DOT1L: variants seen among roughly 807,000 people sequenced by gnomAD.
The protein encoded by DOT1L is histone-lysine N-methyltransferase, H3 lysine-79 specific.
Under a neutral mutation model 153.3 loss-of-function variants are expected in DOT1L, and 33 were observed. The observed-to-expected ratio is 0.22, with a 90% CI of 0.16 to 0.29. The LOEUF (loss-of-function observed/expected upper bound fraction) is 0.29. DOT1L is among the 10% of genes least tolerant of loss of function. The pLI is 1.00. For synonymous variants in DOT1L, 1,135 were observed against 965.1 expected (o/e 1.18, Z -3.26); for missense variants, 1,847 against 2,119.9 (o/e 0.87, Z 2.53).
Position 2,200,344 on chromosome 19 carries a change from G to A in DOT1L, c.707+405G>A, listed in dbSNP as rs558256982. On this transcript the variant is annotated intron_variant, in intron 8 of 27. Transcript: ENST00000398665. ...CACTATGAGGGCTGCTCGAGGGAGC[G>A]GCCCCTCGTGGTCCCAAAAGCCATC... Among the ~76,000 whole-genome samples, 5 of 152,284 alleles carry A rather than the reference G, an allele frequency of 3.3e-5. No homozygotes were observed. In the East Asian group the frequency reaches 7.7e-4, roughly 24 times the overall value.
chr19:2,223,096 A>G (rs1189713821), intron 24 of DOT1L, among the ~76,000 whole-genome samples, 185 bp from the exon 25 acceptor site: 6 of 150,382 alleles, frequency 4.0e-5, no homozygotes, highest in African/African-American at 1.2e-4. Flanking sequence ...GGGCTCTGGG[A>G]TTGCGGGGTG....
At position 2,223,456 on chromosome 19, in the gene DOT1L, C is replaced by G. The variant is rs1195873661; in HGVS notation, c.3566C>G (p.Pro1189Arg). Residue 1189 changes from proline (P) to arginine (R), a missense_variant, in exon 25 of 28, where the codon CCA becomes CGA. By Grantham distance (103) the Pro-to-Arg change is moderately radical (BLOSUM62 -2). Coordinates refer to ENST00000398665, the MANE Select transcript of DOT1L (RefSeq NM_032482.3). The part of the protein sequence containing the change: ...HYSPLTSDEE[P>R]GSEDEPSSAR... ...TCCCCACTCACCTCAGACGAGGAGC[C>G]AGGCTCTGAGGACGAGCCCAGCAGT... 3.1e-6 allele frequency: 5 copies of G among 1,612,558 alleles called. No individual in the cohort carries two copies. In the South Asian group the frequency reaches 5.5e-5, roughly 18 times the overall value.
intron 27 of DOT1L, chr19:2,229,304 C>CCAG: frequency 1.0e-6 from 1 of 985,470 alleles, no homozygotes; most frequent in Non-Finnish European, 1.2e-6. Flanking sequence ...GCAAAGGTGC[C>CCAG]CTCTGCTTGC....
At position 2,227,074 on chromosome 19, in the gene DOT1L, C is replaced by G; in HGVS notation, c.4553C>G (p.Thr1518Ser). Residue 1518 changes from threonine to serine, a missense_variant, in exon 27 of 28, where the codon ACC (threonine) becomes AGC (serine). Transcript: ENST00000398665. ...VHVSSAATRL[T>S]NSHAMGSFSG... ...GTGTCGTCCGCTGCCACCAGACTGA[C>G]CAACTCGCACGCCATGGGCAGCTTT... The G allele has an allele frequency of 6.4e-7, 1 of 1,567,422 alleles. No individual in the cohort carries two copies. The highest frequency in any genetic ancestry group is 8.6e-7 in the Non-Finnish European group (1 of 1,162,080).
At chr19:2,172,590 C>T (rs1327721115) in intron 1 of DOT1L, among the ~76,000 whole-genome samples, 30 of 151,456 alleles carry the variant, frequency 2.0e-4, no homozygotes, top group Non-Finnish European at 3.7e-4. Context: ...CTGAAACCTC[C>T]GCCTCCTGGG....
intron 27 of DOT1L, chr19:2,228,599 C>T: frequency 1.0e-6 from 1 of 985,394 alleles, no homozygotes; most frequent in African/African-American, 1.7e-5. Context: ...CAGCTGCCCG[C>T]AGCTGGGTTC....
intron 9 of DOT1L, 82 bp from the exon 10 acceptor site, chr19:2,206,647 G>T: frequency 4.3e-6 from 6 of 1,385,300 alleles, no homozygotes; most frequent in South Asian, 1.2e-5. Context: ...CCGTGTCATT[G>T]TTCCTTCTCT....
In DOT1L at chr19:2,209,018, G is replaced by A. The variant is rs747071279; in HGVS notation, c.1005+42G>A. 4 of 1,601,670 alleles carry A rather than the reference G, an allele frequency of 2.5e-6. No homozygotes were observed. In the East Asian group the frequency reaches 6.7e-5, roughly 27 times the overall value. ...TTTCTCTTGGGTTAATAACACGCATGCACTGATGTGGGGAAATGCAAAGCC... is the reference window on the plus strand; with the variant it reads ...TTTCTCTTGGGTTAATAACACGCATACACTGATGTGGGGAAATGCAAAGCC... On this transcript the variant is annotated intron_variant, in intron 12 of 27. Transcript: ENST00000398665.
intron 7 of DOT1L, 83 bp from the exon 8 acceptor site, chr19:2,199,801 C>T: frequency 6.5e-7 from 1 of 1,537,224 alleles, no homozygotes; most frequent in Non-Finnish European, 8.9e-7. Flanking sequence ...TGTGTTCATT[C>T]CATTCTTTCT....
Position 2,193,841 on chromosome 19 carries a change from C to T in DOT1L, c.588+58C>T, listed in dbSNP as rs975046844. 3.1e-5 allele frequency: 48 copies of T among 1,557,172 alleles called. No homozygotes were observed. In the African/African-American group the frequency reaches 5.3e-4, roughly 17 times the overall value. On this transcript the variant is annotated intron_variant, in intron 6 of 27. Transcript: ENST00000398665. This position sits in a 1 kb window ranked among gnomAD's most constrained non-coding sequence, Gnocchi z 5.9. ...GGCAGGGGACCATCAGAGAAAGTGA[C>T]GCCCTGGGTGCCTGCACCCCACTGC...
chr19:2,180,993 G>A (rs908899970), intron 2 of DOT1L, among the ~76,000 whole-genome samples: 1 of 152,218 alleles, frequency 6.6e-6, no homozygotes, highest in African/African-American at 2.4e-5. Flanking sequence ...CTCCAGGGGC[G>A]TTGCCCTGCC....
In DOT1L at chr19:2,216,630, C is replaced by T. The variant is rs776898259; in HGVS notation, c.2273C>T (p.Pro758Leu). ...TGTACCCCTAGCCACGTCGGCCGGC[C>T]GCGCCTGGAGAAGCTGTCTGGCCTA... ...VPCTPSHVGR[P>L]RLEKLSGLAA... Residue 758 changes from proline (P) to leucine (L), a missense_variant, in exon 20 of 28, where the codon CCG becomes CTG. Physicochemically the swap from Pro to Leu is moderately conservative, Grantham distance 98. Transcript: ENST00000398665. 30 of 1,605,728 alleles carry T rather than the reference C, an allele frequency of 1.9e-5. No individual in the cohort carries two copies. Among genetic ancestry groups the T allele is most frequent in the South Asian group, 6.6e-5 (6 of 91,084 alleles).
rs566669930 is a variant in DOT1L, at chr19:2,232,540, C to T, written c.*2748C>T. Reference sequence around the variant, plus strand: ...GGCACCCCTGCATTCTGCATCCCCACCTCTAGACGCTGTAATAAACAGACT... The same window carrying T: ...GGCACCCCTGCATTCTGCATCCCCATCTCTAGACGCTGTAATAAACAGACT... On this transcript the variant is annotated 3_prime_UTR_variant, in exon 28 of 28. Transcript: ENST00000398665. The T allele has an allele frequency of 6.5e-5, 14 of 214,912 alleles. No homozygotes were observed. The highest frequency in any genetic ancestry group is 6.9e-5 in the East Asian group (1 of 14,586). The allele number at this position is 214,912 out of a possible 1,614,324, so 13.3% of individuals were successfully genotyped here.
In DOT1L at chr19:2,222,446, T is replaced by A; in HGVS notation, c.3277T>A (p.Ser1093Thr). The change falls in exon 24 of 28, where the codon TCT (serine) becomes ACT (threonine). Residue 1093 changes from serine to threonine, a missense_variant. Ser to Thr is a moderately conservative substitution (Grantham distance 58, BLOSUM62 1). This residue lies in a region of DOT1L where 934 missense variants were observed against 825.3 expected (regional missense o/e 1.13). Coordinates refer to ENST00000398665, the MANE Select transcript of DOT1L (RefSeq NM_032482.3). This position sits in a 1 kb window ranked among gnomAD's most constrained non-coding sequence, Gnocchi z 6.5. The stretch of plus-strand genomic sequence containing the variant: ...CAGGCGCGGCCGGCGGAAGCGAGCA[T>A]CTGCGGGGACGCCCAGCTTGAGCGC... ...SRRRGRRKRA[S>T]AGTPSLSAGV... 1 of 1,608,858 alleles carries A rather than the reference T, an allele frequency of 6.2e-7. No homozygotes were observed. The highest frequency in any genetic ancestry group is 1.7e-5 in the Admixed American group (1 of 59,862).
At chr19:2,170,747 G>T (rs563909672) in intron 1 of DOT1L, among the ~76,000 whole-genome samples, 20 of 152,216 alleles carry the variant, frequency 1.3e-4, no homozygotes, top group African/African-American at 4.8e-4. Flanking sequence ...CAGAACTCCC[G>T]AGAAACACTT....
rs770281883 is a variant in DOT1L, at chr19:2,190,990, C to T, written c.265-22C>T. On this transcript the variant is annotated intron_variant, in intron 4 of 27. Transcript: ENST00000398665. The surrounding 1 kb of genome is among the most constrained non-coding windows in gnomAD (Gnocchi z 4.8). ...GGGCCGTGAGGTTTATGTGACATGG[C>T]CGGGCCACCCTCCGTCCGCAGTGGA... 3 of 1,572,136 alleles carry T rather than the reference C, an allele frequency of 1.9e-6. No homozygotes were observed. The South Asian group carries it at 3.4e-5, about 18-fold the overall frequency.
At chr19:2,205,660 G>C (rs2023463043) in intron 9 of DOT1L, among the ~76,000 whole-genome samples, 1 of 151,984 alleles carries the variant, frequency 6.6e-6, no homozygotes. Flanking sequence ...TACGGCTTGG[G>C]GGTTTGCTCT....
At chr19:2,183,462 A>C (rs931075322) in intron 2 of DOT1L, among the ~76,000 whole-genome samples, 2 of 151,754 alleles carry the variant, frequency 1.3e-5, no homozygotes, top group Non-Finnish European at 2.9e-5. Flanking sequence ...TTTAAAGATG[A>C]TTGGGCTGTC....
intron 27 of DOT1L, 41 bp downstream of exon 27, chr19:2,227,168 C>G (rs1235080140): frequency 6.3e-7 from 1 of 1,576,562 alleles, no homozygotes; most frequent in South Asian, 1.1e-5. Flanking sequence ...GCCCCGGCCC[C>G]CGCCGGAGGC....
Sources: gnomAD v4.1 joint callset for allele counts (sites outside exome capture counted in the v4.1 genomes callset) on GRCh38, gnomAD v4.1.1 for gene constraint, gnomAD v4.1.1 regional missense constraint, Gnocchi (gnomAD v3.1) non-coding constraint, MANE v1.5 for transcripts, NCBI Gene and HGNC (gene_info 2026-07-23, HGNC 2026-07-21) for gene names.